Variants in KCNQ3 observed in about 807,000 individuals in gnomAD.
KCNQ3 encodes the protein potassium voltage-gated channel subfamily KQT member 3.
Under a neutral mutation model 92.5 loss-of-function variants are expected in KCNQ3, and 30 were observed. That is an observed-to-expected ratio of 0.32 (90% confidence interval 0.24 to 0.44). The LOEUF (loss-of-function observed/expected upper bound fraction) is 0.44. Among genes scored for constraint, KCNQ3 ranks in the 20% least tolerant of loss-of-function variants. The pLI, the probability that KCNQ3 is intolerant of heterozygous loss-of-function variation, is 1.00. For synonymous variants in KCNQ3, 450 were observed against 468.8 expected, an observed-to-expected ratio of 0.96 and a Z score of 0.52; for missense variants, 913 against 1,140.3, an observed-to-expected ratio of 0.80 and a Z score of 2.87.
At chr8:132,374,014 G>T (rs1417378155) in intron 1 of KCNQ3, among the ~76,000 whole-genome samples, 1 of 152,208 alleles carries the variant, frequency 6.6e-6, no homozygotes, top group South Asian at 2.1e-4. Context: ...TGCCATCAGA[G>T]ACCACCCCAC....
chr8:132,364,593 G>A (rs982867731), intron 1 of KCNQ3, among the ~76,000 whole-genome samples: 1 of 152,068 alleles, frequency 6.6e-6, no homozygotes, highest in Admixed American at 6.5e-5. Context: ...ACAATTATAG[G>A]CTCAGGACCT....
intron 1 of KCNQ3, among the ~76,000 whole-genome samples, chr8:132,476,122 C>A (rs1173569318): frequency 2.6e-5 from 4 of 152,228 alleles, no homozygotes; most frequent in African/African-American, 9.6e-5. Flanking sequence ...GCACAGAAGA[C>A]AAGAGTTAGG....
intron 1 of KCNQ3, among the ~76,000 whole-genome samples, chr8:132,232,628 T>C (rs1814680480): frequency 2.0e-5 from 3 of 152,216 alleles, no homozygotes; most frequent in South Asian, 4.1e-4. Flanking sequence ...TGTACATCCT[T>C]AACATCTAGA....
intron 1 of KCNQ3, among the ~76,000 whole-genome samples, chr8:132,440,099 C>T (rs1471386503): frequency 6.6e-6 from 1 of 152,200 alleles, no homozygotes. Context: ...TGTCAGTAGT[C>T]ATTATACTGA....
rs1437816175 is a variant in KCNQ3 at position 132,174,232 on chromosome 8, T to C, written c.1044+7A>G. The stretch of plus-strand genomic sequence containing the variant: ...CATTGGGGATGTCATATATCAAAGG[T>C]ACTTACCGCTGGAAGGGCAAAAAAG... On this transcript the variant is annotated splice_region_variant and intron_variant, in intron 6 of 14. Transcript: ENST00000388996. 7 of 1,546,098 alleles carry C rather than the reference T, an allele frequency of 4.5e-6. No individual in the cohort carries two copies. The highest frequency in any genetic ancestry group is 1.4e-5 in the African/African-American group (1 of 72,840).
intron 1 of KCNQ3, among the ~76,000 whole-genome samples, chr8:132,268,759 G>C (rs952996754): frequency 1.3e-5 from 2 of 152,166 alleles, no homozygotes; most frequent in African/African-American, 4.8e-5. Context: ...GAGCACAATT[G>C]CTGGATCATA....
At chr8:132,345,366 G>A (rs1818655656) in intron 1 of KCNQ3, among the ~76,000 whole-genome samples, 1 of 152,196 alleles carries the variant, frequency 6.6e-6, no homozygotes, top group South Asian at 2.1e-4. Flanking sequence ...GAGGCAGAGT[G>A]ATGGTCCAGG....
At chr8:132,445,243 CAA>C (rs1201268019) in intron 1 of KCNQ3, among the ~76,000 whole-genome samples, 1 of 152,240 alleles carries the variant, frequency 6.6e-6, no homozygotes, top group South Asian at 2.1e-4. Context: ...CATGGGGAAG[CAA>C]AGAGCTGGCC....
intron 2 of KCNQ3, among the ~76,000 whole-genome samples, chr8:132,185,120 A>G (rs1826920800): frequency 6.6e-6 from 1 of 152,116 alleles, no homozygotes; most frequent in African/African-American, 2.4e-5. Context: ...TAGTTCCTGG[A>G]GTTGGATGGT....
intron 2 of KCNQ3, among the ~76,000 whole-genome samples, 178 bp from the exon 3 acceptor site, chr8:132,184,545 C>T (rs1185053682): frequency 1.3e-5 from 2 of 152,116 alleles, no homozygotes; most frequent in South Asian, 2.1e-4. Context: ...GGTCCATCAC[C>T]GCCATTCAGT....
At chr8:132,203,277 A>T (rs1228827944) in intron 1 of KCNQ3, among the ~76,000 whole-genome samples, 3 of 152,180 alleles carry the variant, frequency 2.0e-5, no homozygotes, top group Non-Finnish European at 4.4e-5. Context: ...TTTAAACCAT[A>T]GCATGATACG....
chr8:132,170,524 T>G, intron 7 of KCNQ3, 96 bp from the exon 8 acceptor site: 1 of 802,224 alleles, frequency 1.2e-6, no homozygotes. Flanking sequence ...AGCCCTGGAC[T>G]CCTAAGAATT....
In KCNQ3 at chr8:132,361,476, C is replaced by T. The variant is rs140871648; in HGVS notation, c.386+118671G>A. Among the ~76,000 whole-genome samples, 609 of 152,268 alleles carry T rather than the reference C, an allele frequency of 4.0e-3. 7 individuals are homozygous for T. Among genetic ancestry groups the T allele is most frequent in the Middle Eastern group, 0.02 (6 of 294 alleles). ...CTGAATTTCTCAGAGTGAGGACTTGCGGTTCATTGTTGTTTTAATTATGCC... is the reference window on the plus strand; with the variant it reads ...CTGAATTTCTCAGAGTGAGGACTTGTGGTTCATTGTTGTTTTAATTATGCC... On this transcript the variant is annotated intron_variant, in intron 1 of 14. Transcript: ENST00000388996.
chr8:132,358,373 T>C (rs1400217392), intron 1 of KCNQ3, among the ~76,000 whole-genome samples: 3 of 152,162 alleles, frequency 2.0e-5, no homozygotes, highest in Non-Finnish European at 1.5e-5. Flanking sequence ...TCACTGTGGC[T>C]CTACAGAGAA....
At chr8:132,399,250 G>T (rs904458190) in intron 1 of KCNQ3, among the ~76,000 whole-genome samples, 2 of 152,206 alleles carry the variant, frequency 1.3e-5, no homozygotes, top group African/African-American at 4.8e-5. Context: ...ACCTCTGTGA[G>T]CCCAGAGAGC....
At chr8:132,456,602 TA>T (rs1821946468) in intron 1 of KCNQ3, among the ~76,000 whole-genome samples, 1 of 122,764 alleles carries the variant, frequency 8.1e-6, no homozygotes, top group Non-Finnish European at 1.8e-5. Flanking sequence ...ATTTTTTTTT[TA>T]TTTTATTTAT....
intron 1 of KCNQ3, among the ~76,000 whole-genome samples, chr8:132,289,229 T>C (rs1051308601): frequency 1.3e-5 from 2 of 152,218 alleles, no homozygotes; most frequent in African/African-American, 4.8e-5. Flanking sequence ...TTGAGCATCA[T>C]TGTATGGCAT....
intron 9 of KCNQ3, among the ~76,000 whole-genome samples, chr8:132,148,658 A>T (rs1825536575): frequency 6.6e-6 from 1 of 152,234 alleles, no homozygotes; most frequent in Non-Finnish European, 1.5e-5. Flanking sequence ...ATCAGCCTTC[A>T]CCAATGTGGA....
At chr8:132,133,342 A>C (rs1824945693) in intron 13 of KCNQ3, among the ~76,000 whole-genome samples, 1 of 138,792 alleles carries the variant, frequency 7.2e-6, no homozygotes, top group Non-Finnish European at 1.5e-5. Context: ...CATCACGTTA[A>C]TGCTCTCGAT....
Sources: gnomAD v4.1 joint callset for allele counts (sites outside exome capture counted in the v4.1 genomes callset) on GRCh38, gnomAD v4.1.1 for gene constraint, MANE v1.5 for transcripts, NCBI Gene and HGNC (gene_info 2026-07-23, HGNC 2026-07-21) for gene names.